Variants in COL5A2 observed in about 807,000 individuals in gnomAD.
The protein encoded by COL5A2 is collagen alpha-2(V) chain.
Under a neutral mutation model 208.2 loss-of-function variants are expected in COL5A2, and 23 were observed. The observed-to-expected ratio is 0.11, with a 90% CI of 0.08 to 0.16. The LOEUF (loss-of-function observed/expected upper bound fraction) is 0.16. COL5A2 is among the 10% of genes least tolerant of loss of function. The pLI is 1.00. For synonymous variants in COL5A2, 625 were observed against 628.5 expected (o/e 0.99, Z 0.08); for missense variants, 1,590 against 1,956.4 (o/e 0.81, Z 3.53).
At chr2:189,311,777 G>C in the COL5A2 span, 1 of 844,690 alleles carries the variant, frequency 1.2e-6, no homozygotes, top group Admixed American at 1.7e-5. Context: ...TTCCAAGCCA[G>C]CTCATCACAT....
At chr2:189,230,359 C>A in the COL5A2 span, among the ~76,000 whole-genome samples, 1 of 151,562 alleles carries the variant, frequency 6.6e-6, no homozygotes, top group African/African-American at 2.4e-5. Context: ...TTCTGCCCAG[C>A]AAAGGAAACA....
chr2:189,039,187 AAGTC>A, intron 51 of COL5A2, 81 bp downstream of exon 51: 2 of 1,481,196 alleles, frequency 1.4e-6, no homozygotes, highest in Non-Finnish European at 1.9e-6. Context: ...ACTAAGTAGA[AAGTC>A]AGTAACATAT....
chr2:189,390,060 T>C, the COL5A2 span, among the ~76,000 whole-genome samples: 2 of 152,050 alleles, frequency 1.3e-5, no homozygotes, highest in African/African-American at 2.4e-5. Context: ...CTAGAACAGA[T>C]TCAAGTTCTT....
At chr2:189,210,400 C>G (rs1052526628) in intron 1 of COL5A2, among the ~76,000 whole-genome samples, 1 of 147,466 alleles carries the variant, frequency 6.8e-6, no homozygotes, top group Non-Finnish European at 1.5e-5. Flanking sequence ...TCTGTTTTCA[C>G]TTGATTAAAA....
the COL5A2 span, among the ~76,000 whole-genome samples, chr2:189,281,176 AT>A: frequency 6.6e-6 from 1 of 152,058 alleles, no homozygotes. Context: ...TATTATTTCC[AT>A]TTTACAAATG....
the COL5A2 span, among the ~76,000 whole-genome samples, chr2:189,231,526 G>A: frequency 3.5e-4 from 53 of 151,608 alleles, no homozygotes; most frequent in African/African-American, 1.2e-3. Flanking sequence ...ACAACATTGC[G>A]TTTAAGGCAA....
At chr2:189,054,970 G>C (rs1239091953) in intron 35 of COL5A2, among the ~76,000 whole-genome samples, 1 of 151,430 alleles carries the variant, frequency 6.6e-6, no homozygotes, top group Non-Finnish European at 1.5e-5. Flanking sequence ...TGCAAGCTCC[G>C]CCTCCCGGGT....
chr2:189,201,950 T>C (rs2105858013), intron 1 of COL5A2, among the ~76,000 whole-genome samples: 1 of 151,726 alleles, frequency 6.6e-6, no homozygotes, highest in East Asian at 1.9e-4. Flanking sequence ...TTTTTAAATC[T>C]AGTCTGTTAA....
chr2:189,061,865 T>G (rs1686039456), intron 29 of COL5A2, among the ~76,000 whole-genome samples: 1 of 152,210 alleles, frequency 6.6e-6, no homozygotes, highest in Non-Finnish European at 1.5e-5. Flanking sequence ...AACTTAAATG[T>G]CTGGAGCCAA....
chr2:189,341,810 G>C, the COL5A2 span, among the ~76,000 whole-genome samples: 5 of 152,112 alleles, frequency 3.3e-5, no homozygotes, highest in African/African-American at 1.2e-4. Flanking sequence ...TAATCAAAGT[G>C]AGTATCACTT....
chr2:189,152,040 C>A (rs187781027), intron 1 of COL5A2, among the ~76,000 whole-genome samples: 18 of 151,986 alleles, frequency 1.2e-4, no homozygotes, highest in Admixed American at 1.1e-3. Context: ...AATTACAATG[C>A]AATATGAACA....
chr2:189,066,524 A>G (rs748678721), intron 22 of COL5A2, 27 bp from the exon 23 acceptor site: 1 of 1,606,034 alleles, frequency 6.2e-7, no homozygotes, highest in Non-Finnish European at 8.5e-7. Flanking sequence ...GACAGTTACC[A>G]GAAAGACCCA....
At chr2:189,163,768 C>T (rs1319300762) in intron 1 of COL5A2, among the ~76,000 whole-genome samples, 1 of 152,184 alleles carries the variant, frequency 6.6e-6, no homozygotes, top group East Asian at 1.9e-4. Flanking sequence ...ATTCTATAGT[C>T]ACAGGCTTTC....
the COL5A2 span, among the ~76,000 whole-genome samples, chr2:189,364,780 AC>A: frequency 6.6e-6 from 1 of 152,240 alleles, no homozygotes; most frequent in African/African-American, 2.4e-5. Flanking sequence ...AAAATACTTG[AC>A]CAGTATTCCT....
intron 1 of COL5A2, among the ~76,000 whole-genome samples, chr2:189,215,984 G>T (rs1434667480): frequency 3.3e-5 from 5 of 151,958 alleles, no homozygotes; most frequent in Non-Finnish European, 5.9e-5. Flanking sequence ...CACTTACCTT[G>T]TGTGGCTCAA....
chr2:189,199,978 A>G (rs971164340), intron 1 of COL5A2, among the ~76,000 whole-genome samples: 4 of 152,184 alleles, frequency 2.6e-5, no homozygotes, highest in African/African-American at 9.7e-5. Context: ...AAAGGCAGAA[A>G]GAGAATGAGG....
intron 1 of COL5A2, among the ~76,000 whole-genome samples, chr2:189,115,304 C>T (rs958431303): frequency 6.6e-6 from 1 of 151,686 alleles, no homozygotes; most frequent in African/African-American, 2.4e-5. Context: ...CCAAATCCAC[C>T]ATCTTATTAT....
chr2:189,312,507 G>A, the COL5A2 span, among the ~76,000 whole-genome samples: 10 of 152,328 alleles, frequency 6.6e-5, no homozygotes, highest in South Asian at 4.1e-4. Context: ...CCAGTAGTTG[G>A]TGAAGGTGGA....
the COL5A2 span, among the ~76,000 whole-genome samples, chr2:189,387,722 C>T: frequency 6.6e-6 from 1 of 152,042 alleles, no homozygotes; most frequent in Non-Finnish European, 1.5e-5. Flanking sequence ...GTGCAGTTTA[C>T]AATGGCAAAA....
Sources: allele counts gnomAD v4.1 joint callset (sites outside exome capture counted in the v4.1 genomes callset), GRCh38; gene constraint gnomAD v4.1.1; transcripts MANE v1.5; gene names NCBI Gene and HGNC (gene_info 2026-07-23, HGNC 2026-07-21).